Variants in G3BP2 observed in about 807,000 individuals in gnomAD.
G3BP2 encodes the protein G3BP stress granule assembly factor 2, also known as ras GTPase-activating protein-binding protein 2.
In G3BP2, 11 loss-of-function variants were observed where a neutral mutation model predicts 56.7. The ratio of observed to expected loss-of-function variants is 0.19; its 90% CI spans 0.12 to 0.32. The LOEUF is 0.32. Ranked by LOEUF, G3BP2 falls within the 10% of genes least tolerant of loss-of-function variation. The probability of loss-of-function intolerance (pLI) is 1.00; values close to 1 mark genes in which losing one functional copy is unlikely to be tolerated. For synonymous variants in G3BP2, 165 were observed against 191.6 expected (o/e 0.86, Z 1.15); for missense variants, 340 against 610.9 (o/e 0.56, Z 4.67).
chr4:75,646,565 A>C (rs949595672), intron 10 of G3BP2, 109 bp from the exon 11 acceptor site: 42 of 762,702 alleles, frequency 5.5e-5, no homozygotes, highest in Non-Finnish European at 6.9e-5. Context: ...TTTTAAAATA[A>C]AACTCGCAAG....
At chr4:75,664,819 A>G (rs909285981) in intron 1 of G3BP2, among the ~76,000 whole-genome samples, 1 of 152,118 alleles carries the variant, frequency 6.6e-6, no homozygotes, top group African/African-American at 2.4e-5. Context: ...ACTGCACTCC[A>G]GCCTGGGCAA....
At chr4:75,716,554 C>T (rs1719935306) in intron 3 of G3BP2, among the ~76,000 whole-genome samples, 1 of 151,534 alleles carries the variant, frequency 6.6e-6, no homozygotes, top group South Asian at 2.1e-4. Flanking sequence ...TCCCTCTTGT[C>T]ACCCAGGCTG....
chr4:75,705,983 A>G (rs543104768), intron 3 of G3BP2, among the ~76,000 whole-genome samples: 6 of 152,232 alleles, frequency 3.9e-5, no homozygotes, highest in Admixed American at 6.5e-5. Context: ...ATACATATAT[A>G]TGTATACACA....
intron 3 of G3BP2, among the ~76,000 whole-genome samples, chr4:75,687,158 C>T (rs995813631): frequency 1.3e-5 from 2 of 152,106 alleles, no homozygotes; most frequent in Non-Finnish European, 2.9e-5. Flanking sequence ...TGTGTCCCCA[C>T]CCAAATCTTA....
intron 1 of G3BP2, among the ~76,000 whole-genome samples, chr4:75,663,929 A>G (rs1396511342): frequency 6.6e-6 from 1 of 152,168 alleles, no homozygotes; most frequent in Non-Finnish European, 1.5e-5. Flanking sequence ...TCTGTTGCCC[A>G]GGCTGGAGTC....
At chr4:75,678,945 A>G (rs1425456270) in intron 3 of G3BP2, among the ~76,000 whole-genome samples, 1 of 152,222 alleles carries the variant, frequency 6.6e-6, no homozygotes, top group African/African-American at 2.4e-5. Context: ...ATTGCTTTCA[A>G]CTGATTCCTT....
intron 1 of G3BP2, among the ~76,000 whole-genome samples, chr4:75,672,018 C>G (rs1468634103): frequency 2.0e-5 from 3 of 152,190 alleles, no homozygotes; most frequent in Admixed American, 1.3e-4. Context: ...GATCCAGGTA[C>G]CTGCAACACT....
At chr4:75,695,418 G>A (rs1719062373) in intron 3 of G3BP2, among the ~76,000 whole-genome samples, 2 of 152,216 alleles carry the variant, frequency 1.3e-5, no homozygotes, top group African/African-American at 4.8e-5. Flanking sequence ...TGAGGGTCAA[G>A]ACAGAAGCTG....
chr4:75,646,980 CTTAAT>C (rs1731253921), intron 10 of G3BP2, 44 bp downstream of exon 10: 5 of 1,252,722 alleles, frequency 4.0e-6, no homozygotes, highest in Non-Finnish European at 5.6e-6. Flanking sequence ...ATGCCTCTTG[CTTAAT>C]TTAAAATAAT....
At chr4:75,713,950 T>C (rs1331253015) in intron 3 of G3BP2, among the ~76,000 whole-genome samples, 1 of 152,168 alleles carries the variant, frequency 6.6e-6, no homozygotes, top group African/African-American at 2.4e-5. Context: ...TTCTACAAAA[T>C]AACTGACCAA....
chr4:75,673,417 C>T, upstream of G3BP2: 1 of 1,232,214 alleles, frequency 8.1e-7, no homozygotes, highest in Middle Eastern at 3.1e-4. Context: ...GGACGTCCCG[C>T]CCCCTTTGCC....
At chr4:75,683,299 C>T (rs1358419512) in intron 3 of G3BP2, among the ~76,000 whole-genome samples, 1 of 151,992 alleles carries the variant, frequency 6.6e-6, no homozygotes, top group Non-Finnish European at 1.5e-5. Flanking sequence ...CGGTAGCTCA[C>T]ACCTGTAATC....
chr4:75,665,927 G>A (rs893298939), intron 1 of G3BP2, among the ~76,000 whole-genome samples: 1 of 152,092 alleles, frequency 6.6e-6, no homozygotes. Context: ...AGGAATTTCC[G>A]GGTTTGGGAA....
At chr4:75,706,372 T>C (rs1208805093) in intron 3 of G3BP2, among the ~76,000 whole-genome samples, 1 of 152,182 alleles carries the variant, frequency 6.6e-6, no homozygotes, top group East Asian at 1.9e-4. Flanking sequence ...TGCTGCTCTA[T>C]TGTACTCTTG....
chr4:75,696,175 G>A (rs1012405910), intron 3 of G3BP2, among the ~76,000 whole-genome samples: 1 of 152,032 alleles, frequency 6.6e-6, no homozygotes, highest in Non-Finnish European at 1.5e-5. Flanking sequence ...CAGAGAAAGG[G>A]GTGGAAACCA....
intron 7 of G3BP2, 170 bp downstream of exon 7, chr4:75,654,896 G>A (rs997036652): frequency 2.6e-5 from 15 of 585,374 alleles, no homozygotes; most frequent in Non-Finnish European, 4.2e-5. Context: ...ATTTTGCGGG[G>A]CAGGGAAACA....
At chr4:75,674,744 A>G (rs1424837260), upstream of G3BP2, among the ~76,000 whole-genome samples, 1 of 84,728 alleles carries the variant, frequency 1.2e-5, no homozygotes, top group Non-Finnish European at 2.4e-5. Flanking sequence ...TTTTTTTAAG[A>G]TGGAGTCTCT....
chr4:75,705,046 T>C (rs1008765552), intron 3 of G3BP2, among the ~76,000 whole-genome samples: 1 of 152,252 alleles, frequency 6.6e-6, no homozygotes, highest in Non-Finnish European at 1.5e-5. Context: ...TTGAGATTTT[T>C]TTTTTAGTTC....
intron 3 of G3BP2, among the ~76,000 whole-genome samples, chr4:75,690,917 T>C (rs1398128210): frequency 6.6e-6 from 1 of 152,008 alleles, no homozygotes; most frequent in East Asian, 1.9e-4. Context: ...ATGGAGAATA[T>C]AGTATAAAAA....
Sources: gnomAD v4.1 joint callset for allele counts (sites outside exome capture counted in the v4.1 genomes callset) on GRCh38, gnomAD v4.1.1 for gene constraint, MANE v1.5 for transcripts, NCBI Gene and HGNC (gene_info 2026-07-23, HGNC 2026-07-21) for gene names.